MRTFB: variants seen among roughly 807,000 people sequenced by gnomAD.
The protein encoded by MRTFB is myocardin related transcription factor B.
In MRTFB, 29 loss-of-function variants were observed where a neutral mutation model predicts 104.2. That is an observed-to-expected ratio of 0.28 (90% CI 0.21 to 0.38). MRTFB has a LOEUF of 0.38. MRTFB is among the 10% of genes least tolerant of loss of function. MRTFB has a pLI of 1.00. For synonymous variants in MRTFB, 535 were observed against 519.5 expected (o/e 1.03, Z -0.41); for missense variants, 1,270 against 1,341.6 (o/e 0.95, Z 0.83).
At chr16:14,050,235 TAA>T in the MRTFB span, among the ~76,000 whole-genome samples, 1 of 152,180 alleles carries the variant, frequency 6.6e-6, no homozygotes, top group East Asian at 1.9e-4. Context: ...AAAGTGTATA[TAA>T]GAGATTATTT....
the MRTFB span, among the ~76,000 whole-genome samples, chr16:14,024,816 C>G: frequency 6.6e-6 from 1 of 152,122 alleles, no homozygotes; most frequent in African/African-American, 2.4e-5. Flanking sequence ...GAGTCAGGGT[C>G]TGTTTTTGCA....
chr16:14,109,946 A>G (rs1456685523), intron 2 of MRTFB, among the ~76,000 whole-genome samples: 2 of 152,250 alleles, frequency 1.3e-5, no homozygotes, highest in East Asian at 1.9e-4. Context: ...TCAGCCAAAC[A>G]GCATCTTAAA....
the MRTFB span, among the ~76,000 whole-genome samples, chr16:14,014,521 G>A: frequency 3.3e-5 from 5 of 151,528 alleles, no homozygotes; most frequent in South Asian, 2.1e-4. Context: ...GCGCCACTGC[G>A]CTCCAACATG....
chr16:14,058,427 TCCTCATGAGCCGGGCAATGTACC>T, the MRTFB span, among the ~76,000 whole-genome samples: 3 of 128,038 alleles, frequency 2.3e-5, no homozygotes, highest in Admixed American at 1.7e-4. Context: ...GTCCAATTCT[TCCTCATGAGCCGGGCAATGTACC>T]CAAGTTTGTT....
rs571362979 is a variant in MRTFB at position 14,166,053 on chromosome 16, G to A, written c.154+25293G>A. Reference sequence around the variant, plus strand: ...TTTGAAAGAAGAAATTATAATACTCGCTTTCTATGCAAAATAGAGCAGCCA... The same window carrying A: ...TTTGAAAGAAGAAATTATAATACTCACTTTCTATGCAAAATAGAGCAGCCA... On this transcript the variant is annotated intron_variant, in intron 3 of 16. Transcript: ENST00000571589. Among the ~76,000 whole-genome samples, 7 of 152,222 alleles carry A rather than the reference G, an allele frequency of 4.6e-5. No individual in the cohort carries two copies. In the South Asian group the frequency reaches 6.2e-4, roughly 14 times the overall value.
At chr16:14,233,542 C>G (rs2042357013) in intron 8 of MRTFB, among the ~76,000 whole-genome samples, 1 of 152,058 alleles carries the variant, frequency 6.6e-6, no homozygotes, top group African/African-American at 2.4e-5. Context: ...AATCTCAGCA[C>G]TTTGGGAGGC....
At position 14,240,072 on chromosome 16, in the gene MRTFB, C is replaced by T. The variant is rs147922983; in HGVS notation, c.832-165C>T. Among the ~76,000 whole-genome samples, 89 of 152,260 alleles carry T rather than the reference C, an allele frequency of 5.8e-4. 1 individual carries two copies. Among genetic ancestry groups the T allele is most frequent in the African/African-American group, 2.1e-3 (86 of 41,546 alleles). ...TTATTGGTCAAAGTTAATATGCAAA[C>T]GTTTTCATGGCTTTTGAAACGAATT... is the stretch of plus-strand genomic sequence containing the variant. On this transcript the variant is annotated intron_variant, in intron 9 of 16. Coordinates refer to ENST00000571589, the MANE Select transcript of MRTFB (RefSeq NM_001308142.2).
rs2039572925 is a variant in MRTFB at position 14,176,073 on chromosome 16, G to T, written c.155-34170G>T. Among the ~76,000 whole-genome samples, 15 of 152,276 alleles carry T rather than the reference G, an allele frequency of 9.9e-5. 2 individuals carry two copies. In the South Asian group the frequency reaches 3.1e-3, roughly 32 times the overall value. ...AACTCACTATATACTTTAAATGGAT[G>T]CACCTTATCATCTTTAAATTATATC... On this transcript the variant is annotated intron_variant, in intron 3 of 16. Coordinates refer to ENST00000571589, the MANE Select transcript of MRTFB (RefSeq NM_001308142.2).
At chr16:14,248,323 G>C (rs2043110942) in intron 12 of MRTFB, 1 of 152,284 alleles carries the variant, frequency 6.6e-6, no homozygotes, top group Admixed American at 6.5e-5. Flanking sequence ...GTACCCCTGT[G>C]GTTAGGAGGC....
intron 10 of MRTFB, chr16:14,241,122 A>G (rs1165860825): frequency 7.4e-6 from 2 of 271,408 alleles, no homozygotes; most frequent in African/African-American, 2.2e-5. Flanking sequence ...AACACAGCAG[A>G]TAGACAACGG....
intron 8 of MRTFB, among the ~76,000 whole-genome samples, chr16:14,226,823 A>G (rs909009974): frequency 2.0e-5 from 3 of 151,984 alleles, no homozygotes; most frequent in African/African-American, 7.3e-5. Context: ...AAAAATAAAA[A>G]TTAAAAAAAT....
At chr16:14,207,516 A>G (rs982891169) in intron 3 of MRTFB, among the ~76,000 whole-genome samples, 14 of 152,306 alleles carry the variant, frequency 9.2e-5, no homozygotes, top group African/African-American at 2.9e-4. Flanking sequence ...CTTGACAAAG[A>G]GCTTCTTTCT....
intron 10 of MRTFB, among the ~76,000 whole-genome samples, chr16:14,243,948 C>CT (rs2042900940): frequency 1.3e-5 from 2 of 150,164 alleles, no homozygotes; most frequent in Non-Finnish European, 2.9e-5. Flanking sequence ...CAAGCTCTGC[C>CT]TCTCGGGTTC....
intron 8 of MRTFB, among the ~76,000 whole-genome samples, chr16:14,232,314 C>CA (rs892858441): frequency 5.9e-5 from 9 of 152,132 alleles, no homozygotes; most frequent in Middle Eastern, 3.4e-3. Flanking sequence ...ATCCCCATTT[C>CA]AAAAAAATAT....
At chr16:14,227,576 A>G (rs1364825954) in intron 8 of MRTFB, among the ~76,000 whole-genome samples, 2 of 152,184 alleles carry the variant, frequency 1.3e-5, no homozygotes, top group East Asian at 1.9e-4. Context: ...CAGTGGCACA[A>G]TCACGGCTCA....
At chr16:14,041,832 A>C in the MRTFB span, among the ~76,000 whole-genome samples, 1 of 152,108 alleles carries the variant, frequency 6.6e-6, no homozygotes, top group Non-Finnish European at 1.5e-5. Context: ...AGGCTGAGGC[A>C]GGAGAATAGC....
chr16:14,007,067 C>A, the MRTFB span, among the ~76,000 whole-genome samples: 14 of 152,098 alleles, frequency 9.2e-5, no homozygotes, highest in Admixed American at 8.5e-4. Context: ...AGATGTAATT[C>A]GTACACCGTA....
the MRTFB span, among the ~76,000 whole-genome samples, chr16:14,051,601 C>T: frequency 2.2e-3 from 328 of 152,046 alleles, 1 homozygote; most frequent in African/African-American, 7.5e-3. Context: ...TGCACTCATA[C>T]AGAACACACA....
chr16:14,198,088 T>A (rs77118043), intron 3 of MRTFB, among the ~76,000 whole-genome samples: 1 of 152,214 alleles, frequency 6.6e-6, no homozygotes, highest in Admixed American at 6.5e-5. Context: ...TCATACAATA[T>A]GTGAGCTTTT....
Sources: allele counts gnomAD v4.1 joint callset (sites outside exome capture counted in the v4.1 genomes callset), GRCh38; gene constraint gnomAD v4.1.1; transcripts MANE v1.5; gene names NCBI Gene and HGNC (gene_info 2026-07-23, HGNC 2026-07-21).